The following XIRP2 variants were observed in gnomAD, a reference collection of about 807,000 sequenced individuals.
The protein encoded by XIRP2 is xin actin binding repeat containing 2.
A neutral mutation model predicts 277.0 loss-of-function variants in XIRP2; 236 were observed. The observed-to-expected ratio is 0.85, with a 90% confidence interval of 0.77 to 0.95. The LOEUF (loss-of-function observed/expected upper bound fraction) is 0.95, where lower values mean the gene tolerates loss of function less well. XIRP2 is among the 40% of genes least tolerant of loss of function. The pLI, the probability that XIRP2 is intolerant of heterozygous loss-of-function variation, is 0.00. For missense variants in XIRP2, 4,640 were observed against 4,157.5 expected, an observed-to-expected ratio of 1.12 and a Z score of -3.19; for synonymous variants, 1,490 against 1,416.5, an observed-to-expected ratio of 1.05 and a Z score of -1.17.
chr2:166,999,358 G>A (rs1212586275), intron 2 of XIRP2, among the ~76,000 whole-genome samples: 1 of 151,918 alleles, frequency 6.6e-6, no homozygotes, highest in Non-Finnish European at 1.5e-5. Context: ...ATTTCCGCTT[G>A]AATATGTATT....
At chr2:166,918,594 G>T (rs1684952474) in intron 2 of XIRP2, among the ~76,000 whole-genome samples, 2 of 152,034 alleles carry the variant, frequency 1.3e-5, no homozygotes, top group African/African-American at 4.8e-5. Flanking sequence ...TCTTTGGAAA[G>T]ACTGAGAAAT....
chr2:167,107,299 G>A (rs974361692), intron 2 of XIRP2, among the ~76,000 whole-genome samples: 2 of 151,622 alleles, frequency 1.3e-5, no homozygotes, highest in Non-Finnish European at 3.0e-5. Flanking sequence ...TAAGGGAAAA[G>A]CATTCAGCCT....
chr2:167,031,027 T>TC (rs1456818167), intron 2 of XIRP2, among the ~76,000 whole-genome samples: 1 of 151,772 alleles, frequency 6.6e-6, no homozygotes, highest in African/African-American at 2.4e-5. Flanking sequence ...GCTTTTTTTT[T>TC]TTTTCTTTCC....
rs1559018469 is a variant in XIRP2, at chr2:167,201,263, A to AAG, written c.563-9472_563-9471insAG. Among the ~76,000 whole-genome samples the AAG allele has an allele frequency of 2.2e-3, 294 of 133,538 alleles. 6 individuals are homozygous for AAG. Among genetic ancestry groups the AAG allele is most frequent in the African/African-American group, 6.9e-3 (214 of 31,102 alleles). The allele number at this position is 133,538 out of a possible 152,430, so 87.6% of individuals were successfully genotyped here. On this transcript the variant is annotated intron_variant, in intron 3 of 10. Transcript: ENST00000409195. The stretch of plus-strand genomic sequence containing the variant: ...GAAAGAAAGAAAGAAAGAAAGAAAG[A>AAG]GAGAGGGAGAAAGGAAAGAAGGAAG...
intron 2 of XIRP2, among the ~76,000 whole-genome samples, chr2:167,114,004 C>G (rs950110776): frequency 6.6e-6 from 1 of 152,080 alleles, no homozygotes; most frequent in African/African-American, 2.4e-5. Flanking sequence ...CGCTTTTAGC[C>G]TGATTTGTTT....
chr2:167,177,556 G>C (rs976060943), intron 3 of XIRP2, among the ~76,000 whole-genome samples: 1 of 152,062 alleles, frequency 6.6e-6, no homozygotes. Context: ...TCAATTTGTA[G>C]GCATTTAGAT....
intron 1 of XIRP2, among the ~76,000 whole-genome samples, chr2:166,895,201 G>A (rs762724419): frequency 1.3e-5 from 2 of 152,270 alleles, no homozygotes; most frequent in East Asian, 1.9e-4. Context: ...AACATTTTAC[G>A]TGCCATATGT....
chr2:166,972,515 G>C (rs1447649919), intron 2 of XIRP2, among the ~76,000 whole-genome samples: 1 of 152,096 alleles, frequency 6.6e-6, no homozygotes, highest in Non-Finnish European at 1.5e-5. Flanking sequence ...CTGTAAGGAA[G>C]GAAGAGGAAA....
intron 2 of XIRP2, among the ~76,000 whole-genome samples, chr2:167,130,670 T>A (rs1033753703): frequency 2.0e-5 from 3 of 152,124 alleles, no homozygotes; most frequent in Non-Finnish European, 2.9e-5. Flanking sequence ...CTTTCTTTCC[T>A]TTTAATCCAA....
chr2:167,031,711 AAAGAT>A (rs1405141075), intron 2 of XIRP2, among the ~76,000 whole-genome samples: 14 of 152,140 alleles, frequency 9.2e-5, no homozygotes, highest in African/African-American at 3.4e-4. Flanking sequence ...CAATTGCTAT[AAAGAT>A]AATAAAATAC....
At chr2:167,010,116 T>A (rs1687624220) in intron 2 of XIRP2, among the ~76,000 whole-genome samples, 1 of 152,120 alleles carries the variant, frequency 6.6e-6, no homozygotes, top group South Asian at 2.1e-4. Flanking sequence ...TTGCTTTTGG[T>A]GTTTTAGACA....
At chr2:166,914,586 C>G (rs193122375) in intron 2 of XIRP2, among the ~76,000 whole-genome samples, 2 of 152,276 alleles carry the variant, frequency 1.3e-5, no homozygotes, top group East Asian at 3.9e-4. Context: ...GAGTGATCCA[C>G]CTGCCTCAGC....
intron 3 of XIRP2, among the ~76,000 whole-genome samples, chr2:167,165,318 G>A (rs2105344510): frequency 6.6e-6 from 1 of 152,262 alleles, no homozygotes; most frequent in South Asian, 2.1e-4. Context: ...CTATATGTAG[G>A]TATTTATGTA....
chr2:167,248,638 A>C lies in XIRP2; in HGVS notation c.7246A>C (p.Thr2416Pro). Residue 2416 changes from threonine to proline, a missense_variant, in exon 9 of 11, where the codon ACC becomes CCC. Physicochemically the swap from Thr to Pro is conservative, Grantham distance 38 (BLOSUM62 -1). Coordinates refer to ENST00000409195, the MANE Select transcript of XIRP2 (RefSeq NM_152381.6). ...TCAGGCTAAAATCATAACAGGAAAA[A>C]CCGGTGTGTTGCCACCTCCCACATT... is the stretch of plus-strand genomic sequence containing the variant. Reference protein sequence around the residue: ...NSQAKIITGKTGVLPPPTLPK... With the variant: ...NSQAKIITGKPGVLPPPTLPK... 6.2e-7 allele frequency: 1 copy of C among 1,613,676 alleles called. No individual in the cohort carries two copies. The highest frequency in any genetic ancestry group is 8.5e-7 in the Non-Finnish European group (1 of 1,179,792).
chr2:167,214,158 G>C (rs1694157627), intron 4 of XIRP2, among the ~76,000 whole-genome samples: 6 of 99,742 alleles, frequency 6.0e-5, no homozygotes, highest in Non-Finnish European at 9.5e-5. Flanking sequence ...GAGAAAGAAG[G>C]AAAGAAAGAG....
chr2:167,246,903 A>G lies in XIRP2; in HGVS notation c.5511A>G (p.Ile1837Met). ...GTAAGATACCCAAAGAAGAGATTAT[A>G]AAAGGTGATTTGACATCAACCCTAA... is the stretch of plus-strand genomic sequence containing the variant. ...TFGKIPKEEI[I>M]KGDLTSTLNS... is the part of the protein sequence containing the mutation. The change falls in exon 9 of 11, where the codon ATA (isoleucine) becomes ATG (methionine). Residue 1837 changes from isoleucine (I) to methionine (M), a missense_variant. By Grantham distance (10) the Ile-to-Met change is conservative. Transcript: ENST00000409195. 1.2e-6 allele frequency: 2 copies of G among 1,613,512 alleles called. No individual in the cohort carries two copies. The highest frequency in any genetic ancestry group is 2.7e-5 in the African/African-American group (2 of 74,992).
At position 167,247,268 on chromosome 2, in the gene XIRP2, A is replaced by G. The variant is rs757634076; in HGVS notation, c.5876A>G (p.Glu1959Gly). Residue 1959 changes from glutamate (E) to glycine (G), a missense_variant, in exon 9 of 11, where the codon GAG becomes GGG. Physicochemically the swap from Glu to Gly is moderately conservative, Grantham distance 98. Transcript: ENST00000409195. ...AKAVMAGSSG[E>G]QKTDIHQVAV... ...GCTGTGATGGCAGGATCCTCGGGAG[A>G]GCAGAAAACAGATATTCATCAGGTT... The G allele has an allele frequency of 1.2e-6, 2 of 1,613,724 alleles. No homozygotes were observed. The highest frequency in any genetic ancestry group is 4.5e-5 in the East Asian group (2 of 44,846).
At position 167,250,479 on chromosome 2, in the gene XIRP2, A is replaced by G. The variant is rs776852852; in HGVS notation, c.9087A>G (p.Ile3029Met). 6.2e-7 allele frequency: 1 copy of G among 1,613,476 alleles called. No homozygotes were observed. The highest frequency in any genetic ancestry group is 1.1e-5 in the South Asian group (1 of 91,010). Residue 3029 changes from isoleucine (I) to methionine (M), a missense_variant, in exon 9 of 11, where the codon ATA (isoleucine) becomes ATG (methionine). By Grantham distance (10) the Ile-to-Met change is conservative. Coordinates refer to ENST00000409195, the MANE Select transcript of XIRP2 (RefSeq NM_152381.6). ...AEDMLVSYEN[I>M]IQTAMMSSKT... is the part of the protein sequence containing the mutation. ...ATATGCTTGTGTCCTATGAAAATAT[A>G]ATTCAGACAGCCATGATGTCCTCCA...
At chr2:167,048,224 A>G (rs1335210654) in intron 2 of XIRP2, among the ~76,000 whole-genome samples, 1 of 151,798 alleles carries the variant, frequency 6.6e-6, no homozygotes, top group East Asian at 1.9e-4. Context: ...TTTATTCTCT[A>G]CTTCATTCAG....
Sources: allele counts gnomAD v4.1 joint callset (sites outside exome capture counted in the v4.1 genomes callset), GRCh38; gene constraint gnomAD v4.1.1; transcripts MANE v1.5; gene names NCBI Gene and HGNC (gene_info 2026-07-23, HGNC 2026-07-21).